The following FARSB variants were observed in gnomAD, a reference collection of about 807,000 sequenced individuals.
FARSB encodes the protein phenylalanyl-tRNA synthetase subunit beta.
A neutral mutation model predicts 69.6 loss-of-function variants in FARSB; 40 were observed. The observed-to-expected ratio is 0.57, with a 90% confidence interval of 0.45 to 0.75. The LOEUF (loss-of-function observed/expected upper bound fraction) is 0.75, where lower values mean the gene tolerates loss of function less well. Ranked by LOEUF, FARSB falls within the 30% of genes least tolerant of loss-of-function variation. The pLI is 0.00. For synonymous variants in FARSB, 235 were observed against 247.2 expected (o/e 0.95, Z 0.46); for missense variants, 632 against 722.9 (o/e 0.87, Z 1.44).
At chr2:222,603,791 G>A (rs1274507572) in intron 15 of FARSB, among the ~76,000 whole-genome samples, 1 of 149,982 alleles carries the variant, frequency 6.7e-6, no homozygotes, top group Non-Finnish European at 1.5e-5. Flanking sequence ...ACCAGGATTT[G>A]ACCAGAATTA....
At chr2:222,646,731 C>T (rs111724791) in intron 2 of FARSB, among the ~76,000 whole-genome samples, 1,526 of 152,326 alleles carry the variant, frequency 0.01, 20 homozygotes, top group African/African-American at 0.035. Flanking sequence ...AAAACAGTCT[C>T]TTGCTCATTT....
At chr2:222,593,213 G>GA (rs1690323794) in intron 16 of FARSB, among the ~76,000 whole-genome samples, 1 of 152,004 alleles carries the variant, frequency 6.6e-6, no homozygotes, top group South Asian at 2.1e-4. Context: ...AGGGGGGTAT[G>GA]AAAAAAATCT....
At chr2:222,652,986 C>G (rs10170846) in intron 1 of FARSB, among the ~76,000 whole-genome samples, 107,266 of 152,096 alleles carry the variant, frequency 0.71, 38,138 homozygotes, top group Middle Eastern at 0.84. Context: ...ATCGTGATTA[C>G]TAATTTCCTC....
intron 5 of FARSB, among the ~76,000 whole-genome samples, 156 bp downstream of exon 5, chr2:222,639,424 G>T (rs539702110): frequency 2.6e-5 from 4 of 152,054 alleles, no homozygotes; most frequent in South Asian, 2.1e-4. Flanking sequence ...ATTTAGAAAT[G>T]ATTTGTAAAA....
At chr2:222,649,144 T>C (rs1247873685) in intron 1 of FARSB, among the ~76,000 whole-genome samples, 1 of 151,044 alleles carries the variant, frequency 6.6e-6, no homozygotes, top group Non-Finnish European at 1.5e-5. Context: ...GAGAATTGCT[T>C]GAACCTGGGA....
Position 222,567,487 on chromosome 2 carries a change from T to C in FARSB, c.*4384A>G, listed in dbSNP as rs541525382. On this transcript the variant is annotated 3_prime_UTR_variant, in exon 17 of 17. Transcript: ENST00000281828. ...AATAGATTAAGATTGAGAAGCAAGA[T>C]TGTGAGTAATGTTCTCTCTTACCAA... 3 of 152,348 alleles carry C rather than the reference T, an allele frequency of 2.0e-5. No homozygotes were observed. The highest frequency in any genetic ancestry group is 2.1e-4 in the South Asian group (1 of 4,822). The allele number at this position is 152,348 out of a possible 1,614,324, so 9.4% of individuals were successfully genotyped here.
At chr2:222,576,242 C>T (rs1389968315) in intron 16 of FARSB, among the ~76,000 whole-genome samples, 2 of 151,944 alleles carry the variant, frequency 1.3e-5, no homozygotes, top group Non-Finnish European at 2.9e-5. Context: ...AAAAAGTCAT[C>T]TACTCATACA....
chr2:222,641,531 A>G (rs1435226436), intron 3 of FARSB, among the ~76,000 whole-genome samples: 3 of 152,240 alleles, frequency 2.0e-5, no homozygotes, highest in Admixed American at 2.0e-4. Flanking sequence ...GATTCTGATT[A>G]ATAGGTGTTG....
chr2:222,630,239 GAATT>G, intron 8 of FARSB, 65 bp from the exon 9 acceptor site: 1 of 800,056 alleles, frequency 1.2e-6, no homozygotes, highest in Non-Finnish European at 2.0e-6. Context: ...AGATGGAAAT[GAATT>G]AATATTTAAT....
chr2:222,633,682 CAAAAAAAAAAAAA>C (rs10596934), intron 6 of FARSB, among the ~76,000 whole-genome samples: 1 of 88,218 alleles, frequency 1.1e-5, no homozygotes, highest in Non-Finnish European at 2.2e-5. Context: ...AACTCCGTCT[CAAAAAAAAAAAAA>C]AAAAAAAAGG....
At chr2:222,634,228 T>C (rs918941408) in intron 6 of FARSB, among the ~76,000 whole-genome samples, 163 bp downstream of exon 6, 3 of 152,208 alleles carry the variant, frequency 2.0e-5, no homozygotes, top group African/African-American at 2.4e-5. Flanking sequence ...TAAAACTATG[T>C]TCAGGTCCCA....
At chr2:222,644,051 C>T (rs1353811393) in intron 2 of FARSB, among the ~76,000 whole-genome samples, 1 of 152,146 alleles carries the variant, frequency 6.6e-6, no homozygotes, top group Admixed American at 6.5e-5. Flanking sequence ...CTATTTCCAC[C>T]ACCAACAACC....
At chr2:222,587,402 G>T (rs1690144161) in intron 16 of FARSB, among the ~76,000 whole-genome samples, 1 of 152,174 alleles carries the variant, frequency 6.6e-6, no homozygotes, top group African/African-American at 2.4e-5. Flanking sequence ...ACAAGAGAAA[G>T]CAGGAAAGAT....
chr2:222,635,003 C>T (rs977125546), intron 5 of FARSB, among the ~76,000 whole-genome samples: 1 of 152,056 alleles, frequency 6.6e-6, no homozygotes, highest in Non-Finnish European at 1.5e-5. Flanking sequence ...GCTGCATTAC[C>T]TTAGTCATGG....
chr2:222,629,246 T>G (rs1297320648), intron 9 of FARSB, among the ~76,000 whole-genome samples: 1 of 152,118 alleles, frequency 6.6e-6, no homozygotes, highest in South Asian at 2.1e-4. Flanking sequence ...TGAAAATCAG[T>G]TGAAAAAAAA....
intron 14 of FARSB, among the ~76,000 whole-genome samples, chr2:222,618,894 T>C (rs1559205125): frequency 6.6e-6 from 1 of 152,154 alleles, no homozygotes; most frequent in Non-Finnish European, 1.5e-5. Context: ...CCCAGCACTT[T>C]GGGAGGCTGA....
At chr2:222,593,115 G>A (rs1458183889) in intron 16 of FARSB, among the ~76,000 whole-genome samples, 1 of 152,050 alleles carries the variant, frequency 6.6e-6, no homozygotes, top group Non-Finnish European at 1.5e-5. Flanking sequence ...GATAAGAGGA[G>A]ACTACTATAA....
At chr2:222,594,969 C>T (rs762762909) in intron 16 of FARSB, among the ~76,000 whole-genome samples, 2 of 152,190 alleles carry the variant, frequency 1.3e-5, no homozygotes, top group Non-Finnish European at 2.9e-5. Flanking sequence ...GGAATCACTG[C>T]TTATTTGTTT....
At chr2:222,624,882 C>A in intron 10 of FARSB, 107 bp from the exon 11 acceptor site, 1 of 639,824 alleles carries the variant, frequency 1.6e-6, no homozygotes, top group South Asian at 2.1e-5. Context: ...AAGAAATTGT[C>A]ATTAGAGCCA....
Sources: gnomAD v4.1 joint callset for allele counts (sites outside exome capture counted in the v4.1 genomes callset) on GRCh38, gnomAD v4.1.1 for gene constraint, MANE v1.5 for transcripts, NCBI Gene and HGNC (gene_info 2026-07-23, HGNC 2026-07-21) for gene names.